CTNND2: variants seen among roughly 807,000 people sequenced by gnomAD.
CTNND2 encodes the protein catenin delta 2.
Under a neutral mutation model 144.4 loss-of-function variants are expected in CTNND2, and 22 were observed. The observed-to-expected ratio is 0.15, with a 90% confidence interval of 0.11 to 0.22. CTNND2 has a LOEUF of 0.22. Ranked by LOEUF, CTNND2 falls within the 10% of genes least tolerant of loss-of-function variation. The pLI is 1.00. For missense variants in CTNND2, 1,353 were observed against 1,618.8 expected (o/e 0.84, Z 2.82); for synonymous variants, 751 against 695.6 (o/e 1.08, Z -1.25).
At chr5:11,218,228 A>AT (rs1489209736) in intron 10 of CTNND2, among the ~76,000 whole-genome samples, 25 of 151,958 alleles carry the variant, frequency 1.6e-4, no homozygotes, top group African/African-American at 6.0e-4. Flanking sequence ...TCAGGGAAAT[A>AT]TTTTTTCGTC....
rs139754796 is a variant in CTNND2 at position 11,351,308 on chromosome 5, G to A, written c.1373-4681C>T. On this transcript the variant is annotated intron_variant, in intron 8 of 21. Coordinates refer to ENST00000304623, the MANE Select transcript of CTNND2 (RefSeq NM_001332.4). ...AACTCTGTAAACACACTCCTCTCTC[G>A]TCTCACCTGCTCTACAAACAGCCCC... 2.7e-3 allele frequency among the ~76,000 whole-genome samples: 406 copies of A among 152,154 alleles called. 2 individuals are homozygous for A. Among genetic ancestry groups the A allele is most frequent in the African/African-American group, 9.0e-3 (372 of 41,524 alleles).
chr5:11,427,852 C>T (rs188216365), intron 3 of CTNND2, among the ~76,000 whole-genome samples: 17 of 152,194 alleles, frequency 1.1e-4, no homozygotes, highest in Admixed American at 1.0e-3. Flanking sequence ...CTTTTATTAG[C>T]CTGTTTTCAT....
intron 1 of CTNND2, among the ~76,000 whole-genome samples, chr5:11,752,685 T>C (rs1347215897): frequency 1.3e-5 from 2 of 151,808 alleles, no homozygotes; most frequent in African/African-American, 4.8e-5. Context: ...TTTTTCGTTC[T>C]ATATGCTTTA....
intron 21 of CTNND2, among the ~76,000 whole-genome samples, chr5:10,979,438 C>A (rs1736939123): frequency 6.6e-6 from 1 of 152,132 alleles, no homozygotes; most frequent in African/African-American, 2.4e-5. Flanking sequence ...ATCAAATAGG[C>A]CATGGGGGCC....
chr5:11,503,268 A>G (rs1770708312), intron 3 of CTNND2, among the ~76,000 whole-genome samples: 1 of 152,210 alleles, frequency 6.6e-6, no homozygotes. Context: ...AAGTAAGGGT[A>G]TATTGTTACG....
At chr5:11,832,308 C>T (rs750617438) in intron 1 of CTNND2, among the ~76,000 whole-genome samples, 29 of 151,040 alleles carry the variant, frequency 1.9e-4, no homozygotes, top group South Asian at 4.2e-4. Flanking sequence ...AAAAAAAAAA[C>T]GAAAGCTCTG....
intron 9 of CTNND2, among the ~76,000 whole-genome samples, chr5:11,237,066 C>A (rs1168925417): frequency 2.7e-5 from 4 of 150,910 alleles, no homozygotes; most frequent in Non-Finnish European, 5.9e-5. Context: ...GTCGCCCAGG[C>A]TGGAGTGCAG....
At chr5:11,626,660 G>C (rs757936019) in intron 2 of CTNND2, among the ~76,000 whole-genome samples, 41 of 152,128 alleles carry the variant, frequency 2.7e-4, no homozygotes, top group Non-Finnish European at 4.4e-4. Context: ...GAGAAGCAAA[G>C]ACAGCAAAAT....
chr5:11,832,819 T>C (rs1218642022), intron 1 of CTNND2, among the ~76,000 whole-genome samples: 1 of 152,150 alleles, frequency 6.6e-6, no homozygotes, highest in Non-Finnish European at 1.5e-5. Flanking sequence ...TGTATGCCTG[T>C]AGTTCCTGCT....
intron 7 of CTNND2, among the ~76,000 whole-genome samples, chr5:11,377,564 T>C (rs1463773865): frequency 6.6e-6 from 1 of 152,164 alleles, no homozygotes; most frequent in Non-Finnish European, 1.5e-5. Context: ...TAGAAGAGCT[T>C]TCACAGAATT....
At chr5:11,120,526 A>G (rs1368397293) in intron 12 of CTNND2, among the ~76,000 whole-genome samples, 1 of 67,936 alleles carries the variant, frequency 1.5e-5, no homozygotes, top group African/African-American at 5.2e-5. Flanking sequence ...GTATACATAT[A>G]GACTTCAAGA....
At chr5:10,975,091 G>C (rs1212838441) in intron 21 of CTNND2, among the ~76,000 whole-genome samples, 1 of 152,140 alleles carries the variant, frequency 6.6e-6, no homozygotes, top group East Asian at 1.9e-4. Flanking sequence ...AGGATGAGAG[G>C]AACATTTGGA....
intron 1 of CTNND2, among the ~76,000 whole-genome samples, chr5:11,813,819 C>G (rs1414120169): frequency 3.3e-5 from 5 of 152,096 alleles, no homozygotes; most frequent in Non-Finnish European, 7.4e-5. Context: ...CAGCCTAGAA[C>G]AAACATTTAA....
chr5:11,311,876 TCA>T lies in CTNND2; in HGVS notation c.1628+34494_1628+34495del, dbSNP rs1204210001. 3.3e-3 allele frequency among the ~76,000 whole-genome samples: 141 copies of T among 42,736 alleles called. 2 individuals carry two copies. The highest frequency in any genetic ancestry group is 7.5e-4 in the Non-Finnish European group (16 of 21,276). The allele number at this position is 42,736 out of a possible 152,430, so 28.0% of individuals were successfully genotyped here. A position where few individuals can be genotyped will look rare whatever the true frequency, so the allele number is the denominator to read the frequency against. On this transcript the variant is annotated intron_variant, in intron 9 of 21. Transcript: ENST00000304623. ...CACCCCACACACTCCCCCTTCCCAC[TCA>T]CACACTCCCCATACACACGCCCACA...
intron 10 of CTNND2, among the ~76,000 whole-genome samples, chr5:11,206,937 G>A (rs1180862060): frequency 1.3e-5 from 2 of 152,144 alleles, no homozygotes; most frequent in Non-Finnish European, 2.9e-5. Flanking sequence ...TATCTCTGCA[G>A]ATCTGTACAT....
chr5:11,446,373 G>T (rs367977552), intron 3 of CTNND2, among the ~76,000 whole-genome samples: 1 of 152,118 alleles, frequency 6.6e-6, no homozygotes, highest in Non-Finnish European at 1.5e-5. Flanking sequence ...TGGGAGGGTC[G>T]GGATCTCCTA....
intron 9 of CTNND2, among the ~76,000 whole-genome samples, chr5:11,240,186 AC>A (rs1561073924): frequency 8.3e-6 from 1 of 121,186 alleles, no homozygotes; most frequent in Non-Finnish European, 1.7e-5. Flanking sequence ...ACACTCACAC[AC>A]CCAACACACA....
chr5:11,485,393 G>A (rs567445607), intron 3 of CTNND2, among the ~76,000 whole-genome samples: 570 of 151,716 alleles, frequency 3.8e-3, no homozygotes, highest in Non-Finnish European at 5.5e-3. Flanking sequence ...GCGCGTGCGC[G>A]CGCACATTCA....
intron 9 of CTNND2, among the ~76,000 whole-genome samples, chr5:11,317,527 C>T (rs1013751586): frequency 6.6e-6 from 1 of 152,134 alleles, no homozygotes; most frequent in East Asian, 1.9e-4. Context: ...CTTTAGGTGT[C>T]CCACTATGGT....
Sources: allele counts gnomAD v4.1 joint callset (sites outside exome capture counted in the v4.1 genomes callset), GRCh38; gene constraint gnomAD v4.1.1; transcripts MANE v1.5; gene names NCBI Gene and HGNC (gene_info 2026-07-23, HGNC 2026-07-21).